The following HERC3 variants were observed in gnomAD, a reference collection of about 807,000 sequenced individuals.
HERC3 encodes HECT and RLD domain containing E3 ubiquitin protein ligase 3, also known as probable E3 ubiquitin-protein ligase HERC3.
In HERC3, 58 loss-of-function variants were observed where a neutral mutation model predicts 129.9. That is an observed-to-expected ratio of 0.45 (90% confidence interval 0.36 to 0.56). The LOEUF (loss-of-function observed/expected upper bound fraction) is 0.56. Among genes scored for constraint, HERC3 ranks in the 20% least tolerant of loss-of-function variants. The pLI is 0.00. For synonymous variants in HERC3, 430 were observed against 451.0 expected, an observed-to-expected ratio of 0.95 and a Z score of 0.59; for missense variants, 835 against 1,244.2, an observed-to-expected ratio of 0.67 and a Z score of 4.95.
intron 3 of HERC3, among the ~76,000 whole-genome samples, chr4:88,614,225 C>G (rs1220887125): frequency 6.6e-6 from 1 of 151,830 alleles, no homozygotes. Context: ...CTGATTAATC[C>G]TCATGATAGC....
intron 23 of HERC3, among the ~76,000 whole-genome samples, chr4:88,702,615 T>G (rs1175512177): frequency 6.6e-6 from 1 of 152,218 alleles, no homozygotes; most frequent in Non-Finnish European, 1.5e-5. Context: ...TACCATCTTT[T>G]CCTTGTCCAT....
the HERC3 span, among the ~76,000 whole-genome samples, chr4:88,583,291 C>A: frequency 1.3e-5 from 2 of 151,870 alleles, no homozygotes; most frequent in South Asian, 4.1e-4. Flanking sequence ...CAAAAATTAG[C>A]CAGGCATGGT....
At chr4:88,536,817 T>G in the HERC3 span, among the ~76,000 whole-genome samples, 4 of 152,160 alleles carry the variant, frequency 2.6e-5, no homozygotes, top group African/African-American at 9.7e-5. Context: ...CCCAATCTGA[T>G]TATAATTTTG....
rs755757173 is a variant in HERC3 at position 88,704,143 on chromosome 4, AGTTCAT to A, written c.2705_2710del (p.Val902_His903del). The A allele has an allele frequency of 6.2e-7, 1 of 1,614,080 alleles. No individual in the cohort carries two copies. On this transcript the variant is annotated inframe_deletion, in exon 24 of 26. Transcript: ENST00000402738. ...ATGTGAATTATGTCTTCCAAATCTCAGTTCATGAATGGTACACAGCCTTCTCTAGTG... is the reference window on the plus strand; with the variant it reads ...ATGTGAATTATGTCTTCCAAATCTCAGAATGGTACACAGCCTTCTCTAGTG...
intron 2 of HERC3, among the ~76,000 whole-genome samples, chr4:88,602,709 G>A (rs930571018): frequency 6.6e-6 from 1 of 151,968 alleles, no homozygotes; most frequent in East Asian, 1.9e-4. Context: ...CAAACTCCTG[G>A]GCTTAAGCTG....
chr4:88,532,248 G>T, the HERC3 span, among the ~76,000 whole-genome samples: 1 of 152,076 alleles, frequency 6.6e-6, no homozygotes, highest in Admixed American at 6.6e-5. Context: ...AATTACGGAG[G>T]CCTGGAAGTC....
intron 2 of HERC3, among the ~76,000 whole-genome samples, chr4:88,599,493 T>C (rs187937906): frequency 5.5e-4 from 83 of 152,282 alleles, no homozygotes; most frequent in Non-Finnish European, 9.1e-4. Context: ...TCATAAATTG[T>C]TTTTACTAGT....
At chr4:88,581,905 C>T in the HERC3 span, among the ~76,000 whole-genome samples, 1 of 152,108 alleles carries the variant, frequency 6.6e-6, no homozygotes, top group South Asian at 2.1e-4. Flanking sequence ...AATCTCTTTT[C>T]AAAGACTAGT....
At chr4:88,637,768 A>G (rs2149251667) in intron 3 of HERC3, among the ~76,000 whole-genome samples, 1 of 152,346 alleles carries the variant, frequency 6.6e-6, no homozygotes, top group South Asian at 2.1e-4. Context: ...TGAAGGAGAT[A>G]GAGACATGAA....
the HERC3 span, among the ~76,000 whole-genome samples, chr4:88,528,567 G>T: frequency 3.3e-5 from 5 of 152,104 alleles, no homozygotes; most frequent in Admixed American, 6.5e-5. Context: ...GCTCTCCAAA[G>T]TCAAGCAAGA....
At chr4:88,626,219 CT>C (rs1167911565) in intron 3 of HERC3, among the ~76,000 whole-genome samples, 3 of 151,632 alleles carry the variant, frequency 2.0e-5, no homozygotes, top group African/African-American at 7.3e-5. Flanking sequence ...TCCTTCTTTT[CT>C]TTTCTTTTTT....
the HERC3 span, among the ~76,000 whole-genome samples, chr4:88,577,617 A>ATATATATATATATATATATATATAT: frequency 4.0e-5 from 6 of 149,794 alleles, no homozygotes; most frequent in Admixed American, 2.0e-4. Context: ...ATATATATAT[A>ATATATATATATATATATATATATAT]ATAGGTTTGT....
At chr4:88,654,375 T>C (rs1364756095) in intron 7 of HERC3, among the ~76,000 whole-genome samples, 1 of 121,104 alleles carries the variant, frequency 8.3e-6, no homozygotes, top group Non-Finnish European at 1.6e-5. Flanking sequence ...TATATATATA[T>C]ATATATATAT....
intron 23 of HERC3, among the ~76,000 whole-genome samples, chr4:88,688,679 G>C (rs1252009405): frequency 6.6e-6 from 1 of 152,170 alleles, no homozygotes; most frequent in Non-Finnish European, 1.5e-5. Context: ...ATTGTGTTTA[G>C]AGCAGAAAAT....
At chr4:88,623,649 GTA>G (rs1409442878) in intron 3 of HERC3, among the ~76,000 whole-genome samples, 3 of 152,134 alleles carry the variant, frequency 2.0e-5, no homozygotes, top group Non-Finnish European at 4.4e-5. Context: ...CCATCAGTAC[GTA>G]TGTCTTGTTT....
intron 23 of HERC3, among the ~76,000 whole-genome samples, chr4:88,698,629 GC>G (rs1560780580): frequency 6.7e-6 from 1 of 148,776 alleles, no homozygotes; most frequent in Non-Finnish European, 1.5e-5. Flanking sequence ...CTTGGTTAAA[GC>G]ATGTGCCATC....
chr4:88,605,933 A>G lies in HERC3; in HGVS notation c.110A>G (p.Lys37Arg), dbSNP rs1381692176. 6.2e-7 allele frequency: 1 copy of G among 1,614,200 alleles called. No individual in the cohort carries two copies. Among genetic ancestry groups the G allele is most frequent in the Non-Finnish European group, 8.5e-7 (1 of 1,180,040 alleles). Reference sequence around the variant, plus strand: ...GGGTTCATATCTGACAGAAGTGTCAAGGAAGTGGCCTGTGGGGGAAACCAC... The same window carrying G: ...GGGTTCATATCTGACAGAAGTGTCAGGGAAGTGGCCTGTGGGGGAAACCAC... ...VCGFISDRSVKEVACGGNHSV... is the reference protein window; with the variant it reads ...VCGFISDRSVREVACGGNHSV... Residue 37 changes from lysine (K) to arginine (R), a missense_variant, in exon 3 of 26, where the codon AAG becomes AGG. Lys to Arg is a conservative substitution (Grantham distance 26). Coordinates refer to ENST00000402738, the MANE Select transcript of HERC3 (RefSeq NM_014606.3).
chr4:88,674,307 C>T (rs891451962), intron 16 of HERC3, among the ~76,000 whole-genome samples: 3 of 152,114 alleles, frequency 2.0e-5, no homozygotes, highest in Non-Finnish European at 2.9e-5. Context: ...ACAGACAAAA[C>T]TGCTGATTGA....
the HERC3 span, among the ~76,000 whole-genome samples, chr4:88,535,752 T>C: frequency 6.6e-6 from 1 of 152,108 alleles, no homozygotes; most frequent in Non-Finnish European, 1.5e-5. Flanking sequence ...CCTCATCTAA[T>C]CCCAATTACC....
Sources: allele counts gnomAD v4.1 joint callset (sites outside exome capture counted in the v4.1 genomes callset), GRCh38; gene constraint gnomAD v4.1.1; transcripts MANE v1.5; gene names NCBI Gene and HGNC (gene_info 2026-07-23, HGNC 2026-07-21).